USP10: variants seen among roughly 807,000 people sequenced by gnomAD.
USP10 encodes the protein ubiquitin carboxyl-terminal hydrolase 10.
Under a neutral mutation model 84.5 loss-of-function variants are expected in USP10, and 22 were observed. That is an observed-to-expected ratio of 0.26 (90% CI 0.19 to 0.37). The LOEUF (loss-of-function observed/expected upper bound fraction) is 0.37, where lower values mean the gene tolerates loss of function less well. Among genes scored for constraint, USP10 ranks in the 10% least tolerant of loss-of-function variants. USP10 has a pLI of 1.00. For synonymous variants in USP10, 454 were observed against 387.6 expected, an observed-to-expected ratio of 1.17 and a Z score of -2.01; for missense variants, 1,019 against 998.9, an observed-to-expected ratio of 1.02 and a Z score of -0.27.
At position 84,775,252 on chromosome 16, in the gene USP10, C is replaced by T. The variant is rs768397962; in HGVS notation, c.2209+27C>T. ...TGAGTAAATTTGTACGACATTACTT[C>T]TTCATTAAAACACTGATGAAGGGGT... On this transcript the variant is annotated intron_variant, in intron 13 of 13. Transcript: ENST00000219473. 8 of 1,607,920 alleles carry T rather than the reference C, an allele frequency of 5.0e-6. No individual in the cohort carries two copies. The East Asian group carries it at 8.9e-5, about 18-fold the overall frequency.
At chr16:84,761,148 G>A (rs560508036) in intron 8 of USP10, among the ~76,000 whole-genome samples, 24 of 152,118 alleles carry the variant, frequency 1.6e-4, no homozygotes, top group Non-Finnish European at 1.9e-4. Context: ...AATGAAGTGC[G>A]CCCTCTGCCC....
intron 2 of USP10, among the ~76,000 whole-genome samples, chr16:84,734,511 A>G (rs1308041517): frequency 1.3e-5 from 2 of 152,136 alleles, no homozygotes; most frequent in Admixed American, 1.3e-4. Context: ...TTTAGGATTA[A>G]TCTTTGGTTT....
In USP10 at chr16:84,775,215, G is replaced by C; in HGVS notation, c.2199G>C (p.Arg733=). 6.2e-7 allele frequency: 1 copy of C among 1,613,584 alleles called. No homozygotes were observed. Among genetic ancestry groups the C allele is most frequent in the South Asian group, 1.1e-5 (1 of 91,070 alleles). ...NKNFKCHRTY[R]LFAVVYHHGN... Reference sequence around the variant, plus strand: ...ATTTTAAATGCCACCGAACCTATCGGCTCTTTGCAGGTGAGTAAATTTGTA... The same window carrying C: ...ATTTTAAATGCCACCGAACCTATCGCCTCTTTGCAGGTGAGTAAATTTGTA... The change falls in exon 13 of 14, where the codon CGG becomes CGC. Residue 733 remains arginine (R), a synonymous_variant. Coordinates refer to ENST00000219473, the MANE Select transcript of USP10 (RefSeq NM_005153.3).
intron 1 of USP10, among the ~76,000 whole-genome samples, chr16:84,729,379 T>C (rs749215411): frequency 2.0e-5 from 3 of 152,248 alleles, no homozygotes; most frequent in Non-Finnish European, 2.9e-5. Flanking sequence ...ATCGATGACT[T>C]GTCTTTTACT....
At chr16:84,706,665 G>C (rs995675246) in intron 1 of USP10, among the ~76,000 whole-genome samples, 11 of 151,408 alleles carry the variant, frequency 7.3e-5, no homozygotes, top group African/African-American at 2.2e-4. Flanking sequence ...CTCAGCCTCC[G>C]GAGTAGCTGG....
rs770128115 is a variant in USP10 at position 84,745,312 on chromosome 16, T to A, written c.831T>A (p.Asp277Glu). 6.2e-7 allele frequency: 1 copy of A among 1,613,092 alleles called. No individual in the cohort carries two copies. Among genetic ancestry groups the A allele is most frequent in the Admixed American group, 1.7e-5 (1 of 60,018 alleles). ...GGGCTCAGCCCTGCGTTGGTACCGATACTACTGAAAACCTTGGAGTTGCTA... is the reference window on the plus strand; with the variant it reads ...GGGCTCAGCCCTGCGTTGGTACCGAAACTACTGAAAACCTTGGAGTTGCTA... ...TAGAQPCVGTDTTENLGVANG... is the reference protein window; with the variant it reads ...TAGAQPCVGTETTENLGVANG... The change falls in exon 4 of 14, where the codon GAT (aspartate) becomes GAA (glutamate). Residue 277 changes from aspartate to glutamate, a missense_variant. Coordinates refer to ENST00000219473, the MANE Select transcript of USP10 (RefSeq NM_005153.3).
At chr16:84,721,950 C>T (rs1365298224) in intron 1 of USP10, among the ~76,000 whole-genome samples, 3 of 152,242 alleles carry the variant, frequency 2.0e-5, no homozygotes, top group Non-Finnish European at 4.4e-5. Flanking sequence ...TCACCTTGGC[C>T]TCCCAAAGTG....
intron 13 of USP10, 32 bp downstream of exon 13, chr16:84,775,257 T>C: frequency 1.9e-6 from 3 of 1,602,770 alleles, no homozygotes; most frequent in Non-Finnish European, 2.6e-6. Context: ...TACTTCTTCA[T>C]TAAAACACTG....
Position 84,759,339 on chromosome 16 carries a change from C to T in USP10, c.1285-24C>T, listed in dbSNP as rs376867731. 51 of 1,605,272 alleles carry T rather than the reference C, an allele frequency of 3.2e-5. No homozygotes were observed. In the East Asian group the frequency reaches 8.9e-4, roughly 28 times the overall value. On this transcript the variant is annotated intron_variant, in intron 5 of 13. Coordinates refer to ENST00000219473, the MANE Select transcript of USP10 (RefSeq NM_005153.3). ...GTGGTGTGTCTGTTCATTTCCTTTA[C>T]GCTTCCTTACTGCCACTACATAGAC...
chr16:84,751,148 A>G (rs1481053302), intron 4 of USP10, among the ~76,000 whole-genome samples: 3 of 152,222 alleles, frequency 2.0e-5, no homozygotes, highest in Admixed American at 6.5e-5. Context: ...ACAGTTGCCT[A>G]CGGTATTCAG....
In USP10 at chr16:84,751,039, T is replaced by C. The variant is rs372668321; in HGVS notation, c.1192+5366T>C. Among the ~76,000 whole-genome samples the C allele has an allele frequency of 5.9e-5, 9 of 152,388 alleles. 1 individual carries two copies. Among genetic ancestry groups the C allele is most frequent in the Admixed American group, 5.2e-4 (8 of 15,304 alleles). ...AAATGAACATACAGTTATGTGCTGCTTTAATGATGTTTCAGTCAACAACAG... is the reference window on the plus strand; with the variant it reads ...AAATGAACATACAGTTATGTGCTGCCTTAATGATGTTTCAGTCAACAACAG... On this transcript the variant is annotated intron_variant, in intron 4 of 13. Coordinates refer to ENST00000219473, the MANE Select transcript of USP10 (RefSeq NM_005153.3).
intron 4 of USP10, among the ~76,000 whole-genome samples, chr16:84,751,978 G>A (rs1217026047): frequency 6.6e-6 from 1 of 152,028 alleles, no homozygotes; most frequent in Non-Finnish European, 1.5e-5. Flanking sequence ...AATTTCAGTG[G>A]GCTGATTTGT....
chr16:84,703,405 T>A (rs1216665933), intron 1 of USP10, among the ~76,000 whole-genome samples: 1 of 152,206 alleles, frequency 6.6e-6, no homozygotes, highest in East Asian at 1.9e-4. Context: ...CTGCATAGAC[T>A]CACCCCAGTC....
chr16:84,760,832 C>T (rs1597382844), intron 8 of USP10, among the ~76,000 whole-genome samples: 2 of 152,272 alleles, frequency 1.3e-5, no homozygotes, highest in Admixed American at 6.5e-5. Flanking sequence ...GCCCTTAGCA[C>T]CGTTAACTGG....
intron 1 of USP10, among the ~76,000 whole-genome samples, chr16:84,710,728 G>A (rs1906172290): frequency 6.6e-6 from 1 of 152,132 alleles, no homozygotes; most frequent in African/African-American, 2.4e-5. Context: ...AGCGTTTTTA[G>A]GTTTGTGATC....
intron 3 of USP10, among the ~76,000 whole-genome samples, chr16:84,743,518 T>C (rs1007836362): frequency 6.6e-6 from 1 of 152,242 alleles, no homozygotes; most frequent in Admixed American, 6.5e-5. Flanking sequence ...ACACCGTTCT[T>C]TGGGTATTAG....
At chr16:84,772,104 T>G (rs1301198527) in intron 11 of USP10, among the ~76,000 whole-genome samples, 2 of 152,074 alleles carry the variant, frequency 1.3e-5, no homozygotes, top group East Asian at 3.9e-4. Flanking sequence ...CAGGCTGGGG[T>G]ACAGTGGCGC....
At chr16:84,700,161 G>A in intron 1 of USP10, 50 bp downstream of exon 1, 1 of 1,214,666 alleles carries the variant, frequency 8.2e-7, no homozygotes, top group Non-Finnish European at 1.0e-6. Flanking sequence ...GCCCCGGGCG[G>A]GCGGACGCCG....
chr16:84,719,750 A>G (rs989304670), intron 1 of USP10, among the ~76,000 whole-genome samples: 4 of 152,260 alleles, frequency 2.6e-5, no homozygotes, highest in Non-Finnish European at 2.9e-5. Flanking sequence ...GACCATATCC[A>G]GGAACTTAAA....
Sources: gnomAD v4.1 joint callset for allele counts (sites outside exome capture counted in the v4.1 genomes callset) on GRCh38, gnomAD v4.1.1 for gene constraint, MANE v1.5 for transcripts, NCBI Gene and HGNC (gene_info 2026-07-23, HGNC 2026-07-21) for gene names.